Variants in APBA1 observed in about 807,000 individuals in gnomAD.
APBA1 encodes the protein amyloid beta precursor protein binding family A member 1.
Under a neutral mutation model 86.6 loss-of-function variants are expected in APBA1, and 55 were observed. That is an observed-to-expected ratio of 0.64 (90% CI 0.51 to 0.80). The LOEUF is 0.80. Ranked by LOEUF, APBA1 falls within the 30% of genes least tolerant of loss-of-function variation. The pLI is 0.00. For missense variants in APBA1, 1,090 were observed against 1,183.0 expected (o/e 0.92, Z 1.15); for synonymous variants, 511 against 493.9 (o/e 1.03, Z -0.46).
intron 1 of APBA1, among the ~76,000 whole-genome samples, chr9:69,619,389 C>T (rs1469608130): frequency 1.3e-5 from 2 of 152,166 alleles, no homozygotes; most frequent in African/African-American, 4.8e-5. Context: ...AACACATTTG[C>T]TATTTCGGCC....
intron 1 of APBA1, among the ~76,000 whole-genome samples, chr9:69,606,479 C>CATT (rs1822474660): frequency 2.0e-5 from 1 of 50,874 alleles, no homozygotes; most frequent in Non-Finnish European, 3.6e-5. Flanking sequence ...AGGGAGCTAG[C>CATT]TTTTTTTTTT....
chr9:69,498,690 G>A (rs1049459186), intron 2 of APBA1, among the ~76,000 whole-genome samples: 5 of 152,060 alleles, frequency 3.3e-5, no homozygotes, highest in South Asian at 2.1e-4. Flanking sequence ...ATCTAACAAC[G>A]TTTATTGAAT....
intron 2 of APBA1, among the ~76,000 whole-genome samples, chr9:69,501,384 C>A (rs1204494433): frequency 1.3e-5 from 2 of 151,952 alleles, no homozygotes; most frequent in Non-Finnish European, 2.9e-5. Flanking sequence ...TTCATAACTC[C>A]CAGGACAACA....
chr9:69,643,609 G>A (rs545468244), intron 1 of APBA1, among the ~76,000 whole-genome samples: 10 of 152,014 alleles, frequency 6.6e-5, no homozygotes, highest in Non-Finnish European at 1.2e-4. Flanking sequence ...AGCCAAACAC[G>A]GCCCATGCAG....
chr9:69,453,184 T>C (rs1588292729), intron 8 of APBA1, among the ~76,000 whole-genome samples: 1 of 152,384 alleles, frequency 6.6e-6, no homozygotes. Context: ...ATTTGATTAT[T>C]CTGTGAAAGA....
intron 1 of APBA1, among the ~76,000 whole-genome samples, chr9:69,636,930 A>G (rs200801660): frequency 0.22 from 6,313 of 29,102 alleles, 119 homozygotes; most frequent in Middle Eastern, 0.36. Context: ...AAGGAAAGAA[A>G]GAAAGAAAGA....
intron 1 of APBA1, among the ~76,000 whole-genome samples, chr9:69,568,758 G>T (rs903722214): frequency 6.6e-6 from 1 of 152,148 alleles, no homozygotes; most frequent in Non-Finnish European, 1.5e-5. Context: ...AGTGTTCTAC[G>T]CCTGGGTCCT....
At chr9:69,517,609 G>A (rs979252184) in intron 1 of APBA1, among the ~76,000 whole-genome samples, 5 of 152,050 alleles carry the variant, frequency 3.3e-5, no homozygotes, top group Non-Finnish European at 5.9e-5. Flanking sequence ...AAATTGAATG[G>A]GCCAACTGAC....
intron 1 of APBA1, among the ~76,000 whole-genome samples, chr9:69,637,976 T>C (rs1484641869): frequency 6.6e-6 from 1 of 152,202 alleles, no homozygotes; most frequent in Non-Finnish European, 1.5e-5. Context: ...ACTGCTCAAA[T>C]ATAGCACATA....
At chr9:69,542,701 C>T (rs560196866) in intron 1 of APBA1, among the ~76,000 whole-genome samples, 58 of 152,228 alleles carry the variant, frequency 3.8e-4, no homozygotes, top group African/African-American at 1.4e-3. Context: ...TAAGAAACTG[C>T]CAAAATGTTT....
In APBA1 at chr9:69,516,739, C is replaced by A. The variant is rs1483526507; in HGVS notation, c.472G>T (p.Glu158Ter). 2.5e-6 allele frequency: 4 copies of A among 1,611,996 alleles called. No individual in the cohort carries two copies. The highest frequency in any genetic ancestry group is 3.4e-6 in the Non-Finnish European group (4 of 1,179,430). Residue 158 changes from glutamate to a stop codon, truncating the protein, a stop_gained, in exon 2 of 13, where the codon GAG (glutamate) becomes TAG (stop). Transcript: ENST00000265381. LOFTEE classifies it high-confidence loss of function. This position sits in a 1 kb window ranked among gnomAD's most constrained non-coding sequence, Gnocchi z 7.3. ...GAGTAGGCCGCATTCATGGCTTCCT[C>A]GTGCTCCAGCGAGTGGAAGTGCAGG... Reference protein sequence around the residue: ...NHLHFHSLEHEEAMNAAYSGY... With the variant: ...NHLHFHSLEH
At chr9:69,537,130 A>G (rs1361012807) in intron 1 of APBA1, among the ~76,000 whole-genome samples, 2 of 151,324 alleles carry the variant, frequency 1.3e-5, no homozygotes, top group African/African-American at 4.9e-5. Context: ...AAGAACTTCT[A>G]TTTCTCTACA....
At chr9:69,647,012 C>T (rs1823404607) in intron 1 of APBA1, among the ~76,000 whole-genome samples, 1 of 152,144 alleles carries the variant, frequency 6.6e-6, no homozygotes, top group Non-Finnish European at 1.5e-5. Flanking sequence ...CAGTATGCTG[C>T]CAATACTGCC....
intron 11 of APBA1, among the ~76,000 whole-genome samples, chr9:69,439,666 T>C (rs1834773158): frequency 6.6e-6 from 1 of 152,240 alleles, no homozygotes; most frequent in Non-Finnish European, 1.5e-5. Flanking sequence ...GCATTGGTTA[T>C]TCTAGTTATC....
rs148061229 is a variant in APBA1 at position 69,558,610 on chromosome 9, G to A, written c.-69-41331C>T. ...CATTATATGTATAACTTTTATTTTA[G>A]GTTCAGGGGTACATGTGCAGGTTTG... On this transcript the variant is annotated intron_variant, in intron 1 of 12. Transcript: ENST00000265381. 8.0e-3 allele frequency among the ~76,000 whole-genome samples: 1,189 copies of A among 148,836 alleles called. 15 individuals are homozygous for A. The highest frequency in any genetic ancestry group is 0.028 in the African/African-American group (1,123 of 40,430).
rs187669945 is a variant in APBA1, at chr9:69,442,695, T to G, written c.2182-1580A>C. Reference sequence around the variant, plus strand: ...GTGACAAATCCAAGAAAAGCATGCATGAAGGGTGATCGTCTGCCTCTTATT... The same window carrying G: ...GTGACAAATCCAAGAAAAGCATGCAGGAAGGGTGATCGTCTGCCTCTTATT... On this transcript the variant is annotated intron_variant, in intron 10 of 12. Coordinates refer to ENST00000265381, the MANE Select transcript of APBA1 (RefSeq NM_001163.4). Among the ~76,000 whole-genome samples the G allele has an allele frequency of 2.9e-3, 439 of 152,290 alleles. 3 individuals carry two copies. The highest frequency in any genetic ancestry group is 9.9e-3 in the African/African-American group (411 of 41,572).
At chr9:69,524,775 C>T (rs1836316478) in intron 1 of APBA1, among the ~76,000 whole-genome samples, 1 of 152,052 alleles carries the variant, frequency 6.6e-6, no homozygotes, top group African/African-American at 2.4e-5. Context: ...GGAAAAGACA[C>T]AGTGGAAAAA....
intron 1 of APBA1, among the ~76,000 whole-genome samples, chr9:69,573,404 AT>A (rs1837147760): frequency 6.6e-6 from 1 of 152,158 alleles, no homozygotes; most frequent in African/African-American, 2.4e-5. Context: ...CAAGGCTGCA[AT>A]GAGCCATGAT....
intron 8 of APBA1, among the ~76,000 whole-genome samples, chr9:69,453,188 T>G (rs539065195): frequency 6.6e-6 from 1 of 152,372 alleles, no homozygotes; most frequent in African/African-American, 2.4e-5. Context: ...GATTATTCTG[T>G]GAAAGATTTT....
Sources: allele counts gnomAD v4.1 joint callset (sites outside exome capture counted in the v4.1 genomes callset), GRCh38; gene constraint gnomAD v4.1.1; non-coding constraint Gnocchi (gnomAD v3.1); transcripts MANE v1.5; gene names NCBI Gene and HGNC (gene_info 2026-07-23, HGNC 2026-07-21).